SNRK: variants seen among roughly 807,000 people sequenced by gnomAD.
SNRK encodes SNF related kinase, also known as SNF-related serine/threonine-protein kinase.
A neutral mutation model predicts 48.2 loss-of-function variants in SNRK; 3 were observed. That is an observed-to-expected ratio of 0.06 (90% confidence interval 0.03 to 0.16). SNRK has a LOEUF of 0.16. Among genes scored for constraint, SNRK ranks in the 10% least tolerant of loss-of-function variants. The pLI, the probability that SNRK is intolerant of heterozygous loss-of-function variation, is 1.00. For missense variants in SNRK, 627 were observed against 976.0 expected (o/e 0.64, Z 4.76); for synonymous variants, 376 against 366.1 (o/e 1.03, Z -0.31).
chr3:43,319,580 G>A lies in SNRK; in HGVS notation c.590-12589G>A, dbSNP rs1351063357. Among the ~76,000 whole-genome samples, 16 of 152,196 alleles carry A rather than the reference G, an allele frequency of 1.1e-4. No homozygotes were observed. In the East Asian group the frequency reaches 3.1e-3, roughly 29 times the overall value. ...TTGGAATTGGATGGGGCGGTGCCAAGCCTGCCTCACTCCAGATGGCTCACT... is the reference window on the plus strand; with the variant it reads ...TTGGAATTGGATGGGGCGGTGCCAAACCTGCCTCACTCCAGATGGCTCACT... On this transcript the variant is annotated intron_variant, in intron 3 of 6. Transcript: ENST00000296088.
At chr3:43,320,426 G>A (rs1435031136) in intron 3 of SNRK, among the ~76,000 whole-genome samples, 1 of 152,148 alleles carries the variant, frequency 6.6e-6, no homozygotes, top group Non-Finnish European at 1.5e-5. Context: ...ACATGGATTG[G>A]GAGCTCCAGT....
chr3:43,337,060 A>G (rs1006506118), intron 4 of SNRK, among the ~76,000 whole-genome samples: 1 of 148,192 alleles, frequency 6.7e-6, no homozygotes, highest in Non-Finnish European at 1.5e-5. Context: ...CCAAATATAC[A>G]TGTTTTTATA....
intron 1 of SNRK, among the ~76,000 whole-genome samples, chr3:43,291,975 T>G (rs942648650): frequency 1.3e-5 from 2 of 152,214 alleles, no homozygotes; most frequent in African/African-American, 2.4e-5. Context: ...TGGGTATCAC[T>G]CTTAAGGAAT....
intron 4 of SNRK, among the ~76,000 whole-genome samples, chr3:43,337,612 C>T (rs1450131696): frequency 6.6e-6 from 1 of 151,970 alleles, no homozygotes; most frequent in Non-Finnish European, 1.5e-5. Context: ...CCATTTCATA[C>T]TGCTACAAAG....
At chr3:43,330,161 T>C (rs2091135498) in intron 3 of SNRK, among the ~76,000 whole-genome samples, 2 of 152,234 alleles carry the variant, frequency 1.3e-5, no homozygotes, top group Non-Finnish European at 1.5e-5. Context: ...GCATTAAACA[T>C]TGTCAATATT....
At chr3:43,318,719 C>T (rs567641073) in intron 3 of SNRK, among the ~76,000 whole-genome samples, 12 of 152,042 alleles carry the variant, frequency 7.9e-5, no homozygotes, top group South Asian at 6.2e-4. Context: ...GTTGTTTTAG[C>T]GTTTTAGAAT....
intron 1 of SNRK, among the ~76,000 whole-genome samples, chr3:43,299,473 G>A (rs947622893): frequency 3.3e-5 from 5 of 152,136 alleles, no homozygotes; most frequent in Admixed American, 6.5e-5. Flanking sequence ...ACCGCACCCG[G>A]CCTTGTTCAT....
At chr3:43,288,500 T>C (rs1422585435) in intron 1 of SNRK, among the ~76,000 whole-genome samples, 1 of 152,194 alleles carries the variant, frequency 6.6e-6, no homozygotes, top group African/African-American at 2.4e-5. Context: ...ATTGAAGGGC[T>C]TTCGTGATAT....
rs1289608373 is a variant in SNRK, at chr3:43,350,771, A to G, written c.*2214A>G. 1 of 152,624 alleles carries G rather than the reference A, an allele frequency of 6.6e-6. No homozygotes were observed. The highest frequency in any genetic ancestry group is 2.4e-5 in the African/African-American group (1 of 41,438). 9.5% of individuals were successfully genotyped at this position (152,624 alleles called of 1,614,324 possible). On this transcript the variant is annotated 3_prime_UTR_variant, in exon 7 of 7. Transcript: ENST00000296088. ...TTACTTGCTCTAAACAGTTACTTGT[A>G]CCCCTTAACCTGTCTTCAAAAGTTG...
chr3:43,317,938 C>T (rs2091025556), intron 3 of SNRK, among the ~76,000 whole-genome samples: 2 of 152,192 alleles, frequency 1.3e-5, no homozygotes, highest in East Asian at 3.8e-4. Context: ...ATGTAAAGTA[C>T]TTAGCATAAC....
Position 43,332,302 on chromosome 3 carries a change from G to A in SNRK, c.723G>A (p.Glu241=), listed in dbSNP as rs746852417. 5 of 1,464,060 alleles carry A rather than the reference G, an allele frequency of 3.4e-6. No homozygotes were observed. The highest frequency in any genetic ancestry group is 1.8e-6 in the Non-Finnish European group (2 of 1,100,380). 90.7% of individuals were successfully genotyped at this position (1,464,060 alleles called of 1,614,324 possible). The change falls in exon 4 of 7, where the codon GAG becomes GAA. Residue 241 remains glutamate (E), a synonymous_variant. Coordinates refer to ENST00000296088, the MANE Select transcript of SNRK (RefSeq NM_017719.5). ...CAGTACCATCCCATGTGTCTAAAGA[G>A]TGTAAAGAGTAAGTAAAACAAAGTA... ...KYTVPSHVSK[E]CKDLITRMLQ... is the part of the protein sequence containing the mutation.
At chr3:43,340,828 G>A (rs2091230157) in intron 5 of SNRK, 1 of 272,728 alleles carries the variant, frequency 3.7e-6, no homozygotes, top group Non-Finnish European at 7.0e-6. Context: ...TCATTCCTCT[G>A]TCTCCTGCCG....
chr3:43,344,937 C>T (rs191088987), intron 6 of SNRK, among the ~76,000 whole-genome samples: 2 of 152,096 alleles, frequency 1.3e-5, no homozygotes, highest in Non-Finnish European at 2.9e-5. Flanking sequence ...TACCAGAACT[C>T]AGTCTAAAGC....
intron 3 of SNRK, among the ~76,000 whole-genome samples, chr3:43,305,257 A>G (rs1344246861): frequency 1.3e-5 from 2 of 152,172 alleles, no homozygotes; most frequent in East Asian, 1.9e-4. Context: ...GTTCTCTCCT[A>G]TATATGCACC....
chr3:43,344,821 C>T lies in SNRK; in HGVS notation c.1079+1343C>T, dbSNP rs529254455. On this transcript the variant is annotated intron_variant, in intron 6 of 6. Coordinates refer to ENST00000296088, the MANE Select transcript of SNRK (RefSeq NM_017719.5). ...GAGCTCCCTGGCAAGAAAGAGTAAC[C>T]CCAAGGCAGATCATCACTACTCGCC... Among the ~76,000 whole-genome samples the T allele has an allele frequency of 3.9e-5, 6 of 151,960 alleles. No homozygotes were observed. The East Asian group carries it at 1.2e-3, about 29-fold the overall frequency.
At chr3:43,340,263 C>T in intron 4 of SNRK, 24 bp from the exon 5 acceptor site, 1 of 1,594,578 alleles carries the variant, frequency 6.3e-7, no homozygotes, top group Non-Finnish European at 8.6e-7. Flanking sequence ...TTTGCTTTAA[C>T]AATGGACTTA....
In SNRK at chr3:43,347,119, C is replaced by T. The variant is rs2091282381; in HGVS notation, c.1080-220C>T. On this transcript the variant is annotated intron_variant, in intron 6 of 6. Transcript: ENST00000296088. This position sits in a 1 kb window ranked among gnomAD's most constrained non-coding sequence, Gnocchi z 5.4. ...TTTCTGACACCTGTGATGAAGTTTTCACTTGGCCAATAAGCCACAAACTGA... is the reference window on the plus strand; with the variant it reads ...TTTCTGACACCTGTGATGAAGTTTTTACTTGGCCAATAAGCCACAAACTGA... The T allele has an allele frequency of 4.4e-6, 2 of 455,580 alleles. No homozygotes were observed. Among genetic ancestry groups the T allele is most frequent in the South Asian group, 5.3e-5 (1 of 18,754 alleles). 28.2% of individuals were successfully genotyped at this position (455,580 alleles called of 1,614,324 possible). A position where few individuals can be genotyped will look rare whatever the true frequency, so the allele number is the denominator to read the frequency against.
At chr3:43,306,043 T>C (rs761496751) in intron 3 of SNRK, among the ~76,000 whole-genome samples, 7 of 152,154 alleles carry the variant, frequency 4.6e-5, no homozygotes, top group Non-Finnish European at 1.0e-4. Context: ...AATAAAACTT[T>C]TAAAAAGCTA....
intron 3 of SNRK, among the ~76,000 whole-genome samples, chr3:43,326,754 T>C (rs1166248561): frequency 2.0e-5 from 3 of 152,094 alleles, no homozygotes; most frequent in South Asian, 2.1e-4. Flanking sequence ...GAAATAAACT[T>C]GGGGGAAAAA....
Sources: allele counts gnomAD v4.1 joint callset (sites outside exome capture counted in the v4.1 genomes callset), GRCh38; gene constraint gnomAD v4.1.1; non-coding constraint Gnocchi (gnomAD v3.1); transcripts MANE v1.5; gene names NCBI Gene and HGNC (gene_info 2026-07-23, HGNC 2026-07-21).